PLCL1: variants seen among roughly 807,000 people sequenced by gnomAD.
PLCL1 encodes the protein phospholipase C like 1 (inactive).
In PLCL1, 41 loss-of-function variants were observed where a neutral mutation model predicts 84.4. That is an observed-to-expected ratio of 0.49 (90% CI 0.38 to 0.63). The LOEUF is 0.63. Ranked by LOEUF, PLCL1 falls within the 30% of genes least tolerant of loss-of-function variation. The pLI is 0.00. For missense variants in PLCL1, 1,206 were observed against 1,367.8 expected, an observed-to-expected ratio of 0.88 and a Z score of 1.87; for synonymous variants, 490 against 488.3, an observed-to-expected ratio of 1.00 and a Z score of -0.05.
At chr2:197,969,563 T>C (rs552078943) in intron 1 of PLCL1, among the ~76,000 whole-genome samples, 62 of 152,298 alleles carry the variant, frequency 4.1e-4, no homozygotes, top group Non-Finnish European at 8.5e-4. Flanking sequence ...GATCTAGCTA[T>C]CTACTCTTTT....
chr2:198,035,499 G>C (rs1691534416), intron 1 of PLCL1, among the ~76,000 whole-genome samples: 2 of 152,054 alleles, frequency 1.3e-5, no homozygotes, highest in South Asian at 4.1e-4. Context: ...GTTTGTTTTT[G>C]GTTTTTTTCC....
chr2:197,887,634 T>A (rs889671228), intron 1 of PLCL1, among the ~76,000 whole-genome samples: 4 of 152,136 alleles, frequency 2.6e-5, no homozygotes, highest in African/African-American at 9.7e-5. Context: ...ACAAGCACAG[T>A]TATGTTACAT....
intron 5 of PLCL1, among the ~76,000 whole-genome samples, chr2:198,132,458 G>A (rs182086050): frequency 2.0e-5 from 3 of 151,454 alleles, no homozygotes; most frequent in Non-Finnish European, 2.9e-5. Flanking sequence ...TGTTTTTTTG[G>A]GGGGGGGAGT....
chr2:197,985,276 T>C (rs982642429), intron 1 of PLCL1, among the ~76,000 whole-genome samples: 1 of 152,200 alleles, frequency 6.6e-6, no homozygotes, highest in African/African-American at 2.4e-5. Context: ...AACAACCACC[T>C]CACAGGGTAG....
At chr2:198,101,742 C>T (rs1693343632) in intron 4 of PLCL1, among the ~76,000 whole-genome samples, 2 of 152,034 alleles carry the variant, frequency 1.3e-5, no homozygotes, top group African/African-American at 4.8e-5. Flanking sequence ...TCCTATTAAT[C>T]TTCCAGGCTT....
At chr2:197,991,080 G>A (rs1690336955) in intron 1 of PLCL1, among the ~76,000 whole-genome samples, 1 of 152,150 alleles carries the variant, frequency 6.6e-6, no homozygotes, top group South Asian at 2.1e-4. Context: ...GATGAGATTA[G>A]CATTTGAATT....
chr2:197,894,143 C>T (rs1049819558), intron 1 of PLCL1, among the ~76,000 whole-genome samples: 2 of 151,838 alleles, frequency 1.3e-5, no homozygotes, highest in African/African-American at 2.4e-5. Context: ...TGGTACATGT[C>T]ATCTTGTCTA....
chr2:197,958,428 G>A (rs761875058), intron 1 of PLCL1, among the ~76,000 whole-genome samples: 111 of 151,918 alleles, frequency 7.3e-4, no homozygotes, highest in Non-Finnish European at 1.1e-3. Context: ...GTGTTGGGCC[G>A]CATTCAAAGC....
intron 5 of PLCL1, among the ~76,000 whole-genome samples, 172 bp downstream of exon 5, chr2:198,104,108 G>C (rs764249239): frequency 3.3e-5 from 5 of 151,792 alleles, no homozygotes; most frequent in Non-Finnish European, 7.4e-5. Flanking sequence ...GTGTCGCGGG[G>C]GGCTGGAGTG....
intron 1 of PLCL1, among the ~76,000 whole-genome samples, chr2:197,904,603 C>T (rs1264923363): frequency 6.6e-6 from 1 of 152,104 alleles, no homozygotes; most frequent in African/African-American, 2.4e-5. Context: ...CTTGTGCCAT[C>T]ACAGAGTGTC....
chr2:198,062,474 T>C (rs1007968027), intron 1 of PLCL1, among the ~76,000 whole-genome samples: 1 of 152,216 alleles, frequency 6.6e-6, no homozygotes, highest in African/African-American at 2.4e-5. Flanking sequence ...ATAATATTTC[T>C]TAACACATTT....
chr2:197,893,207 C>A (rs1688064756), intron 1 of PLCL1, among the ~76,000 whole-genome samples: 1 of 152,196 alleles, frequency 6.6e-6, no homozygotes, highest in East Asian at 1.9e-4. Context: ...TAGAGTACCT[C>A]TTTTGTCTGC....
At chr2:198,097,299 A>G (rs1341901059) in intron 3 of PLCL1, among the ~76,000 whole-genome samples, 1 of 152,116 alleles carries the variant, frequency 6.6e-6, no homozygotes, top group Non-Finnish European at 1.5e-5. Context: ...GAGTGGCAAA[A>G]TTTCTACTTG....
intron 1 of PLCL1, among the ~76,000 whole-genome samples, chr2:197,813,513 A>G (rs992086655): frequency 1.3e-4 from 20 of 152,080 alleles, no homozygotes; most frequent in Non-Finnish European, 2.9e-4. Flanking sequence ...TATATTTAGA[A>G]ATGTTATTAA....
Position 197,988,936 on chromosome 2 carries a change from T to C in PLCL1, c.241-94822T>C, listed in dbSNP as rs567124723. On this transcript the variant is annotated intron_variant, in intron 1 of 5. Coordinates refer to ENST00000428675, the MANE Select transcript of PLCL1 (RefSeq NM_006226.4). Reference sequence around the variant, plus strand: ...TAATTCTTGCAGGAGTAAGGTGATATCTCATTGAATCACTTATTTTTTGTG... The same window carrying C: ...TAATTCTTGCAGGAGTAAGGTGATACCTCATTGAATCACTTATTTTTTGTG... 7.9e-5 allele frequency among the ~76,000 whole-genome samples: 12 copies of C among 152,312 alleles called. No individual in the cohort carries two copies. In the South Asian group the frequency reaches 1.0e-3, roughly 13 times the overall value.
intron 1 of PLCL1, among the ~76,000 whole-genome samples, chr2:197,955,535 C>T (rs1689468005): frequency 6.7e-6 from 1 of 149,992 alleles, no homozygotes; most frequent in South Asian, 2.1e-4. Context: ...CTTTCCTCCC[C>T]TTACTCCCCC....
intron 1 of PLCL1, among the ~76,000 whole-genome samples, chr2:198,004,383 A>G (rs1690677047): frequency 1.3e-5 from 2 of 152,196 alleles, no homozygotes; most frequent in Non-Finnish European, 2.9e-5. Flanking sequence ...AAACATTCTG[A>G]ATGAATTTGT....
intron 5 of PLCL1, among the ~76,000 whole-genome samples, chr2:198,136,122 TCA>T (rs2105941000): frequency 6.6e-6 from 1 of 152,308 alleles, no homozygotes; most frequent in East Asian, 1.9e-4. Flanking sequence ...TTTTTAAGTT[TCA>T]AGATGTTTTT....
chr2:198,079,377 A>C (rs1268693203), intron 1 of PLCL1, among the ~76,000 whole-genome samples: 3 of 151,958 alleles, frequency 2.0e-5, no homozygotes, highest in Non-Finnish European at 4.4e-5. Context: ...TCCTAACAGT[A>C]GTAGATAAGC....
Sources: allele counts gnomAD v4.1 joint callset (sites outside exome capture counted in the v4.1 genomes callset), GRCh38; gene constraint gnomAD v4.1.1; transcripts MANE v1.5; gene names NCBI Gene and HGNC (gene_info 2026-07-23, HGNC 2026-07-21).